The following TSGA13 variants were observed in gnomAD, a reference collection of about 807,000 sequenced individuals.
The protein encoded by TSGA13 is testis-specific gene 13 protein.
TSGA13 carries 37 observed loss-of-function variants against 35.1 expected under a neutral mutation model. The observed-to-expected ratio is 1.05, with a 90% CI of 0.81 to 1.39. The LOEUF (loss-of-function observed/expected upper bound fraction) is 1.39. TSGA13 is among the 40% of genes most tolerant of loss of function. The pLI is 0.00. For missense variants in TSGA13, 338 were observed against 328.5 expected (o/e 1.03, Z -0.22); for synonymous variants, 124 against 121.2 (o/e 1.02, Z -0.15).
chr7:130,673,363 A>G (rs1046459867), intron 5 of TSGA13, among the ~76,000 whole-genome samples: 7 of 152,202 alleles, frequency 4.6e-5, no homozygotes, highest in African/African-American at 1.4e-4. Flanking sequence ...CATAGAATCA[A>G]AGTCTTTCAG....
At chr7:130,671,622 C>T (rs1796267930) in intron 7 of TSGA13, 39 bp downstream of exon 7, 2 of 1,533,448 alleles carry the variant, frequency 1.3e-6, no homozygotes, top group Non-Finnish European at 1.8e-6. Flanking sequence ...GCCCAAATCT[C>T]AGTCCAGTAA....
At chr7:130,685,134 TAAGTTAATATA>T in intron 2 of TSGA13, 43 bp downstream of exon 2, 1 of 1,561,008 alleles carries the variant, frequency 6.4e-7, no homozygotes. Flanking sequence ...GGCTATGCAA[TAAGTTAATATA>T]AAGTGGTGTT....
At chr7:130,671,640 C>T (rs1796268186) in intron 7 of TSGA13, 21 bp downstream of exon 7, 1 of 1,550,290 alleles carries the variant, frequency 6.5e-7, no homozygotes, top group East Asian at 2.4e-5. Context: ...TAAGCCTTTG[C>T]TTTGAAAGAG....
Position 130,669,159 on chromosome 7 carries a change from C to A in TSGA13, c.683G>T (p.Arg228Met). The stretch of plus-strand genomic sequence containing the variant: ...TTCCCGAATCACTTTGGAAATTGGC[C>A]TTTCACTCGCTGACTTCTTGGAAGC... ...KDASKKSASE[R>M]PISKVIREPL... Residue 228 changes from arginine (R) to methionine (M), a missense_variant, in exon 8 of 8, where the codon AGG becomes ATG. Transcript: ENST00000356588. 6.2e-7 allele frequency: 1 copy of A among 1,614,206 alleles called. No individual in the cohort carries two copies. The highest frequency in any genetic ancestry group is 2.2e-5 in the East Asian group (1 of 44,880).
At position 130,668,849 on chromosome 7, in the gene TSGA13, C is replaced by T. The variant is rs1045564121; in HGVS notation, c.*165G>A. 19 of 1,314,610 alleles carry T rather than the reference C, an allele frequency of 1.4e-5. No homozygotes were observed. Among genetic ancestry groups the T allele is most frequent in the Non-Finnish European group, 1.8e-5 (18 of 973,490 alleles). 81.4% of individuals were successfully genotyped at this position (1,314,610 alleles called of 1,614,324 possible). Reference sequence around the variant, plus strand: ...CTCGGCCCCCGGGACGCAGCCACGCCCCCTTCTCCTCTTGCGGCCCGCCGG... The same window carrying T: ...CTCGGCCCCCGGGACGCAGCCACGCTCCCTTCTCCTCTTGCGGCCCGCCGG... On this transcript the variant is annotated 3_prime_UTR_variant, in exon 8 of 8. Transcript: ENST00000356588.
intron 4 of TSGA13, among the ~76,000 whole-genome samples, chr7:130,680,687 A>G (rs1322123458): frequency 6.6e-6 from 1 of 152,014 alleles, no homozygotes; most frequent in Non-Finnish European, 1.5e-5. Flanking sequence ...CTGATCATAA[A>G]TATGTTTCCT....
At chr7:130,671,006 A>T (rs1796255420) in intron 7 of TSGA13, among the ~76,000 whole-genome samples, 2 of 152,042 alleles carry the variant, frequency 1.3e-5, no homozygotes, top group African/African-American at 4.8e-5. Context: ...CTTAGTAGGA[A>T]CCCTTGAAAT....
At chr7:130,683,472 T>G in intron 3 of TSGA13, 122 bp downstream of exon 3, 1 of 796,766 alleles carries the variant, frequency 1.3e-6, no homozygotes, top group South Asian at 1.9e-5. Flanking sequence ...AACCTTGTTT[T>G]CCATATACAT....
intron 4 of TSGA13, 32 bp downstream of exon 4, chr7:130,680,914 A>G: frequency 6.3e-7 from 1 of 1,595,326 alleles, no homozygotes; most frequent in Non-Finnish European, 8.6e-7. Context: ...ACTTCCCCTT[A>G]GAGATCTTGG....
Position 130,685,286 on chromosome 7 carries a change from G to C in TSGA13, c.-76C>G. 1 of 1,599,488 alleles carries C rather than the reference G, an allele frequency of 6.3e-7. No homozygotes were observed. The highest frequency in any genetic ancestry group is 1.1e-5 in the South Asian group (1 of 90,446). On this transcript the variant is annotated 5_prime_UTR_variant, in exon 2 of 8. Coordinates refer to ENST00000356588, the MANE Select transcript of TSGA13 (RefSeq NM_052933.4). Reference sequence around the variant, plus strand: ...AAATTCAGGTCTCTAAATAGTCCACGTTCTGCAGGGGTTCAATTCAATCCA... The same window carrying C: ...AAATTCAGGTCTCTAAATAGTCCACCTTCTGCAGGGGTTCAATTCAATCCA...
intron 3 of TSGA13, among the ~76,000 whole-genome samples, chr7:130,681,255 G>A (rs1407680148): frequency 2.0e-5 from 3 of 152,164 alleles, no homozygotes; most frequent in African/African-American, 7.2e-5. Context: ...CGGAAATGGG[G>A]CCAGCCTTAT....
intron 7 of TSGA13, among the ~76,000 whole-genome samples, chr7:130,670,947 C>G (rs1325121538): frequency 6.6e-6 from 1 of 150,534 alleles, no homozygotes; most frequent in Non-Finnish European, 1.5e-5. Flanking sequence ...TGTTTCATCT[C>G]TTTCACATAT....
In TSGA13 at chr7:130,668,918, G is replaced by A. The variant is rs1161964481; in HGVS notation, c.*96C>T. The A allele has an allele frequency of 1.7e-5, 25 of 1,497,044 alleles. No homozygotes were observed. The highest frequency in any genetic ancestry group is 2.0e-5 in the Non-Finnish European group (22 of 1,117,818). 92.7% of individuals were successfully genotyped at this position (1,497,044 alleles called of 1,614,324 possible). The stretch of plus-strand genomic sequence containing the variant: ...CCCGGCTTGCGACCCGGGAGCCCAC[G>A]CCCGCAGCAGCAGGAATGTGGTTTT... On this transcript the variant is annotated 3_prime_UTR_variant, in exon 8 of 8. Transcript: ENST00000356588.
chr7:130,670,254 G>A (rs1468662691), intron 7 of TSGA13, among the ~76,000 whole-genome samples: 1 of 152,218 alleles, frequency 6.6e-6, no homozygotes, highest in Non-Finnish European at 1.5e-5. Flanking sequence ...GAGCAGAGAA[G>A]CCTGAAGAAG....
In TSGA13 at chr7:130,671,766, T is replaced by C. The variant is rs1554463036; in HGVS notation, c.553A>G (p.Lys185Glu). The change falls in exon 7 of 8, where the codon AAG becomes GAG. Residue 185 changes from lysine to glutamate, a missense_variant. Physicochemically the swap from Lys to Glu is moderately conservative, Grantham distance 56. Coordinates refer to ENST00000356588, the MANE Select transcript of TSGA13 (RefSeq NM_052933.4). Reference sequence around the variant, plus strand: ...ACTTTTGAATACTTCCCTTCGCTCTTGAAATCATTGTCAGTGGAAAACCTT... The same window carrying C: ...ACTTTTGAATACTTCCCTTCGCTCTCGAAATCATTGTCAGTGGAAAACCTT... ...WFRFSTDNDF[K>E]SEGKYSKVYA... The C allele has an allele frequency of 6.3e-7, 1 of 1,596,226 alleles. No homozygotes were observed. The highest frequency in any genetic ancestry group is 2.3e-5 in the East Asian group (1 of 44,300).
Position 130,679,519 on chromosome 7 carries a change from G to GT in TSGA13, c.175-153dup, listed in dbSNP as rs535011256. On this transcript the variant is annotated intron_variant, in intron 4 of 7. Transcript: ENST00000356588. The stretch of plus-strand genomic sequence containing the variant: ...TGTAGGGTTTTTTGGTTTTGTTTTT[G>GT]TTTTTTTTGAGACGGAGTCTCACTC... 1.4e-3 allele frequency: 1,028 copies of GT among 737,032 alleles called. 11 individuals carry two copies. In the East Asian group the frequency reaches 0.02, roughly 14 times the overall value. The allele number at this position is 737,032 out of a possible 1,614,324, so 45.7% of individuals were successfully genotyped here. A position where few individuals can be genotyped will look rare whatever the true frequency, so the allele number is the denominator to read the frequency against.
At position 130,668,869 on chromosome 7, in the gene TSGA13, C is replaced by A. The variant is rs1022800422; in HGVS notation, c.*145G>T. The stretch of plus-strand genomic sequence containing the variant: ...CACGCCCCCTTCTCCTCTTGCGGCC[C>A]GCCGGAGACTTCGGCTCGACCCTCC... On this transcript the variant is annotated 3_prime_UTR_variant, in exon 8 of 8. Coordinates refer to ENST00000356588, the MANE Select transcript of TSGA13 (RefSeq NM_052933.4). 16 of 1,380,488 alleles carry A rather than the reference C, an allele frequency of 1.2e-5. No individual in the cohort carries two copies. The highest frequency in any genetic ancestry group is 1.6e-5 in the Non-Finnish European group (16 of 1,023,684). The allele number at this position is 1,380,488 out of a possible 1,614,324, so 85.5% of individuals were successfully genotyped here.
chr7:130,682,995 A>G (rs1368613541), intron 3 of TSGA13, among the ~76,000 whole-genome samples: 1 of 152,188 alleles, frequency 6.6e-6, no homozygotes, highest in Non-Finnish European at 1.5e-5. Context: ...GTTAGGAAAA[A>G]CTTATTTGGG....
chr7:130,668,664 A>T lies in TSGA13; in HGVS notation c.*350T>A, dbSNP rs782321982. On this transcript the variant is annotated 3_prime_UTR_variant, in exon 8 of 8. Transcript: ENST00000356588. The stretch of plus-strand genomic sequence containing the variant: ...CTCGTCCTTCTTGTCGAATTTTTTA[A>T]TCATCTTGGACGACTTCCCAGCGCC... 7 of 1,542,450 alleles carry T rather than the reference A, an allele frequency of 4.5e-6. No homozygotes were observed. The South Asian group carries it at 8.5e-5, about 19-fold the overall frequency.
Sources: allele counts gnomAD v4.1 joint callset (sites outside exome capture counted in the v4.1 genomes callset), GRCh38; gene constraint gnomAD v4.1.1; transcripts MANE v1.5; gene names NCBI Gene and HGNC (gene_info 2026-07-23, HGNC 2026-07-21).